The following ZFYVE9 variants were observed in gnomAD, a reference collection of about 807,000 sequenced individuals.
ZFYVE9 encodes zinc finger FYVE domain-containing protein 9.
ZFYVE9 carries 43 observed loss-of-function variants against 126.7 expected under a neutral mutation model. That is an observed-to-expected ratio of 0.34 (90% CI 0.27 to 0.44). The LOEUF (loss-of-function observed/expected upper bound fraction) is 0.44, where lower values mean the gene tolerates loss of function less well. ZFYVE9 is among the 20% of genes least tolerant of loss of function. The pLI, the probability that ZFYVE9 is intolerant of heterozygous loss-of-function variation, is 1.00. For synonymous variants in ZFYVE9, 521 were observed against 597.4 expected (o/e 0.87, Z 1.87); for missense variants, 1,476 against 1,697.0 (o/e 0.87, Z 2.29).
chr1:52,187,154 A>G (rs1434104659), intron 1 of ZFYVE9, among the ~76,000 whole-genome samples: 1 of 152,202 alleles, frequency 6.6e-6, no homozygotes, highest in Non-Finnish European at 1.5e-5. Context: ...GAGCCCAGAA[A>G]TAAGGTCCAT....
chr1:52,250,786 C>T (rs1361007113), intron 4 of ZFYVE9, among the ~76,000 whole-genome samples: 5 of 150,838 alleles, frequency 3.3e-5, no homozygotes, highest in Admixed American at 1.3e-4. Flanking sequence ...CTCAGCTCAC[C>T]GCATCCTCAA....
At chr1:52,329,861 C>T (rs944467067) in intron 13 of ZFYVE9, among the ~76,000 whole-genome samples, 1 of 151,668 alleles carries the variant, frequency 6.6e-6, no homozygotes, top group Non-Finnish European at 1.5e-5. Flanking sequence ...GCCTAGATCG[C>T]GCCACTGCAC....
Position 52,334,749 on chromosome 1 carries a change from C to T in ZFYVE9, c.3651C>T (p.Ala1217=). The T allele has an allele frequency of 6.2e-7, 1 of 1,613,910 alleles. No individual in the cohort carries two copies. The highest frequency in any genetic ancestry group is 8.5e-7 in the Non-Finnish European group (1 of 1,179,916). ...TGAAATCCTCTTCTGGATACCTTGC[C>T]AAGTCCAGTATTGTGGAAGGTAAAG... The part of the protein sequence containing the change: ...GALKSSSGYL[A]KSSIVEDGVM... Residue 1217 remains alanine, a synonymous_variant, in exon 15 of 19, where the codon GCC becomes GCT. Coordinates refer to ENST00000287727, the MANE Select transcript of ZFYVE9 (RefSeq NM_004799.4).
At chr1:52,210,448 C>T (rs924394493) in intron 1 of ZFYVE9, among the ~76,000 whole-genome samples, 2 of 152,044 alleles carry the variant, frequency 1.3e-5, no homozygotes, top group African/African-American at 4.8e-5. Flanking sequence ...TGAGTGGCTA[C>T]CATCAGTGGG....
At chr1:52,174,535 C>A (rs1644605900) in intron 1 of ZFYVE9, among the ~76,000 whole-genome samples, 2 of 151,962 alleles carry the variant, frequency 1.3e-5, no homozygotes, top group African/African-American at 4.8e-5. Flanking sequence ...TGGTGCAGAG[C>A]TGAGTTCAAT....
At chr1:52,232,990 A>G (rs925210090) in intron 2 of ZFYVE9, among the ~76,000 whole-genome samples, 181 bp from the exon 3 acceptor site, 4 of 152,064 alleles carry the variant, frequency 2.6e-5, no homozygotes, top group African/African-American at 9.7e-5. Context: ...GTTGATTGTC[A>G]GCTTACAGGT....
intron 1 of ZFYVE9, among the ~76,000 whole-genome samples, chr1:52,206,850 C>T (rs749026041): frequency 2.6e-5 from 4 of 151,992 alleles, no homozygotes; most frequent in South Asian, 2.1e-4. Flanking sequence ...GTGCGCGGCC[C>T]GGAGATAGAG....
intron 4 of ZFYVE9, among the ~76,000 whole-genome samples, chr1:52,262,437 C>T (rs1645588557): frequency 6.6e-6 from 1 of 152,164 alleles, no homozygotes; most frequent in Non-Finnish European, 1.5e-5. Context: ...ATTTAACCAT[C>T]TAAACTCAGT....
chr1:52,276,021 C>T (rs1360860921), intron 8 of ZFYVE9, among the ~76,000 whole-genome samples: 1 of 151,218 alleles, frequency 6.6e-6, no homozygotes, highest in Non-Finnish European at 1.5e-5. Context: ...AGTTCTCCTG[C>T]CTCAGTCTCC....
intron 1 of ZFYVE9, among the ~76,000 whole-genome samples, chr1:52,203,039 G>A (rs952380162): frequency 1.3e-5 from 2 of 152,022 alleles, no homozygotes; most frequent in Admixed American, 6.6e-5. Flanking sequence ...TTTTATAGGG[G>A]TACAGATTTT....
At chr1:52,277,930 A>G (rs1051393154) in intron 8 of ZFYVE9, among the ~76,000 whole-genome samples, 1 of 152,164 alleles carries the variant, frequency 6.6e-6, no homozygotes, top group African/African-American at 2.4e-5. Context: ...CTTAAATTAT[A>G]CTTAAAGGAA....
intron 13 of ZFYVE9, among the ~76,000 whole-genome samples, chr1:52,329,006 G>C (rs568465300): frequency 6.6e-6 from 1 of 152,252 alleles, no homozygotes; most frequent in Non-Finnish European, 1.5e-5. Flanking sequence ...ATTTAACCAA[G>C]GAAGTAAAAG....
In ZFYVE9 at chr1:52,293,599, C is replaced by G; in HGVS notation, c.3172C>G (p.Leu1058Val). ...AACCCCACCTTACTTGTTTGGGATT[C>G]TTATCCAGAAATGGGAAACTCCTTG... ...LPTPPYLFGI[L>V]IQKWETPWAK... Residue 1058 changes from leucine (L) to valine (V), a missense_variant, in exon 11 of 19, where the codon CTT becomes GTT. Transcript: ENST00000287727. The G allele has an allele frequency of 6.2e-7, 1 of 1,614,034 alleles. No individual in the cohort carries two copies. The highest frequency in any genetic ancestry group is 8.5e-7 in the Non-Finnish European group (1 of 1,179,992).
chr1:52,281,955 A>G (rs1394017730), intron 10 of ZFYVE9, 139 bp downstream of exon 10: 9 of 907,100 alleles, frequency 9.9e-6, no homozygotes, highest in Non-Finnish European at 1.5e-5. Flanking sequence ...GAAGCTTTCC[A>G]TGGTTTGAAG....
chr1:52,169,540 G>A lies in ZFYVE9; in HGVS notation c.-143+27137G>A, dbSNP rs550563135. On this transcript the variant is annotated intron_variant, in intron 1 of 18. Coordinates refer to ENST00000287727, the MANE Select transcript of ZFYVE9 (RefSeq NM_004799.4). ...CCATCCATTAGAATGTAATCTCTGC[G>A]AGGGCTCAGGTTTTGCCTGTTTACT... is the stretch of plus-strand genomic sequence containing the variant. Among the ~76,000 whole-genome samples, 9 of 152,110 alleles carry A rather than the reference G, an allele frequency of 5.9e-5. No homozygotes were observed. The South Asian group carries it at 1.7e-3, about 28-fold the overall frequency.
intron 3 of ZFYVE9, among the ~76,000 whole-genome samples, chr1:52,234,188 T>C (rs1023442267): frequency 6.6e-6 from 1 of 152,200 alleles, no homozygotes; most frequent in African/African-American, 2.4e-5. Flanking sequence ...TCTTCCCCTG[T>C]GTTCTCTATT....
chr1:52,345,912 A>G (rs1407090517), intron 18 of ZFYVE9, 148 bp from the exon 19 acceptor site: 1 of 784,324 alleles, frequency 1.3e-6, no homozygotes. Context: ...GTGATCACCC[A>G]GAAAAGAGGA....
rs1218178264 is a variant in ZFYVE9 at position 52,268,602 on chromosome 1, G to A, written c.2595G>A (p.Lys865=). Residue 865 remains lysine (K), a synonymous_variant, in exon 7 of 19, where the codon AAG becomes AAA. Transcript: ENST00000287727. ...GTLAVSHDPV[K]PVTTSPLPAE... ...TGGCTGTGTCACACGACCCAGTCAA[G>A]CCAGTAACTACCAGTCCTCTACCAG... is the stretch of plus-strand genomic sequence containing the variant. The A allele has an allele frequency of 6.2e-7, 1 of 1,614,156 alleles. No individual in the cohort carries two copies. The highest frequency in any genetic ancestry group is 1.3e-5 in the African/African-American group (1 of 75,058).
chr1:52,261,201 G>GT lies in ZFYVE9; in HGVS notation c.2179-2571dup, dbSNP rs147724988. On this transcript the variant is annotated intron_variant, in intron 4 of 18. Transcript: ENST00000287727. ...TGAAACACGTGATTTATATTCACTT[G>GT]TATGGTTTTTCTTTTTCTTTCTTTC... 1.0e-3 allele frequency among the ~76,000 whole-genome samples: 152 copies of GT among 147,398 alleles called. 2 individuals are homozygous for GT. The highest frequency in any genetic ancestry group is 3.5e-3 in the African/African-American group (142 of 40,182).
Sources: allele counts gnomAD v4.1 joint callset (sites outside exome capture counted in the v4.1 genomes callset), GRCh38; gene constraint gnomAD v4.1.1; transcripts MANE v1.5; gene names NCBI Gene and HGNC (gene_info 2026-07-23, HGNC 2026-07-21).